ZNF577: variants seen among roughly 807,000 people sequenced by gnomAD.
The protein encoded by ZNF577 is zinc finger protein 577.
In ZNF577, 14 loss-of-function variants were observed where a neutral mutation model predicts 13.9. The ratio of observed to expected loss-of-function variants is 1.00; its 90% CI spans 0.66 to 1.57. The LOEUF is 1.57. Among genes scored for constraint, ZNF577 ranks in the 40% most tolerant of loss-of-function variants. The pLI is 0.00. For synonymous variants in ZNF577, 203 were observed against 202.9 expected, an observed-to-expected ratio of 1.00 and a Z score of 0.00; for missense variants, 555 against 579.2, an observed-to-expected ratio of 0.96 and a Z score of 0.43.
Position 51,877,282 on chromosome 19 carries a change from C to A in ZNF577, c.283G>T (p.Gly95Cys), listed in dbSNP as rs2084779926. 6.2e-7 allele frequency: 1 copy of A among 1,613,538 alleles called. No individual in the cohort carries two copies. The highest frequency in any genetic ancestry group is 1.3e-5 in the African/African-American group (1 of 74,856). Reference sequence around the variant, plus strand: ...ATTTTCTTAGTTTTCACTCACTTACCTGGACAGATTTGACTGTGGGCTGCT... The same window carrying A: ...ATTTTCTTAGTTTTCACTCACTTACATGGACAGATTTGACTGTGGGCTGCT... ...EGAAHSQICP[G>C]FVIQSRRYAG... The change falls in exon 5 of 6, where the codon GGT becomes TGT. Residue 95 changes from glycine (G) to cysteine (C), a missense_variant and splice_region_variant. Coordinates refer to ENST00000638348, the MANE Select transcript of ZNF577 (RefSeq NM_001370449.1).
intron 1 of ZNF577, among the ~76,000 whole-genome samples, chr19:51,883,951 G>A (rs1255074678): frequency 3.3e-5 from 5 of 152,144 alleles, no homozygotes; most frequent in Non-Finnish European, 2.9e-5. Flanking sequence ...GCAGATGCCT[G>A]TAAGCCCAGC....
intron 9 of ZNF577, chr19:51,823,998 T>C (rs751196865): frequency 1.2e-6 from 2 of 1,614,150 alleles, no homozygotes; most frequent in Admixed American, 3.3e-5. Flanking sequence ...CCGAATGGTC[T>C]CAGTCGCCAT....
chr19:51,824,698 T>G lies in ZNF577; in HGVS notation c.*600-13024A>C. The G allele has an allele frequency of 6.2e-7, 1 of 1,614,126 alleles. No individual in the cohort carries two copies. The highest frequency in any genetic ancestry group is 8.5e-7 in the Non-Finnish European group (1 of 1,180,004). Reference sequence around the variant, plus strand: ...TTCCAAGAAAGACTGATTCGCTCTTTGCCCACTAGTTTGGAGAGGGCCCTG... The same window carrying G: ...TTCCAAGAAAGACTGATTCGCTCTTGGCCCACTAGTTTGGAGAGGGCCCTG... On this transcript the variant is annotated intron_variant and NMD_transcript_variant, in intron 9 of 10. Coordinates refer to the ZNF577 transcript ENST00000638827. The surrounding 1 kb of genome is among the most constrained non-coding windows in gnomAD (Gnocchi z 4.7).
At chr19:51,840,710 A>G (rs1381556590) in intron 8 of ZNF577, 2 of 152,196 alleles carry the variant, frequency 1.3e-5, no homozygotes, top group African/African-American at 2.4e-5. Context: ...CTAGCATTAT[A>G]TGAAAAGAAT....
Position 51,873,101 on chromosome 19 carries a change from G to A in ZNF577, c.889C>T (p.Pro297Ser). 6.2e-7 allele frequency: 1 copy of A among 1,614,168 alleles called. No homozygotes were observed. Among genetic ancestry groups the A allele is most frequent in the Non-Finnish European group, 8.5e-7 (1 of 1,180,046 alleles). Residue 297 changes from proline (P) to serine (S), a missense_variant, in exon 6 of 6, where the codon CCT (proline) becomes TCT (serine). Pro to Ser is a moderately conservative substitution (Grantham distance 74). Transcript: ENST00000638348. ...AHQRLHTGDK[P>S]YKCSDCGRTF... is the part of the protein sequence containing the mutation. ...CTTCCACAATCACTGCATTTATAAGGCTTATCTCCTGTGTGAAGTCTCTGG... is the reference window on the plus strand; with the variant it reads ...CTTCCACAATCACTGCATTTATAAGACTTATCTCCTGTGTGAAGTCTCTGG...
chr19:51,804,577 G>T (rs1481178395), downstream of ZNF577, among the ~76,000 whole-genome samples: 3 of 152,078 alleles, frequency 2.0e-5, no homozygotes, highest in African/African-American at 7.2e-5. Context: ...GCACTGATTT[G>T]GTTTTGTGCC....
chr19:51,874,784 T>C (rs895481020), intron 5 of ZNF577, among the ~76,000 whole-genome samples: 2 of 152,152 alleles, frequency 1.3e-5, no homozygotes, highest in African/African-American at 2.4e-5. Flanking sequence ...AGAATTCAGA[T>C]GGCTTGATCA....
chr19:51,845,243 C>T (rs1599850544), intron 5 of ZNF577, among the ~76,000 whole-genome samples: 3 of 152,124 alleles, frequency 2.0e-5, no homozygotes, highest in East Asian at 3.9e-4. Flanking sequence ...ACCTGTAATC[C>T]CAGCACTTTG....
intron 9 of ZNF577, among the ~76,000 whole-genome samples, chr19:51,813,528 T>C (rs1226199097): frequency 1.3e-5 from 2 of 152,002 alleles, no homozygotes; most frequent in Non-Finnish European, 2.9e-5. Flanking sequence ...TAAAGGAGGA[T>C]GGGATGTTTT....
Position 51,873,509 on chromosome 19 carries a change from T to C in ZNF577, c.481A>G (p.Ser161Gly), listed in dbSNP as rs368740753. ...ICAGGKPHECSVCGRAFSRKA... is the reference protein window; with the variant it reads ...ICAGGKPHECGVCGRAFSRKA... ...CTGGAGAAGGCTCTCCCGCACACACTGCATTCATGTGGTTTCCCTCCTGCA... is the reference window on the plus strand; with the variant it reads ...CTGGAGAAGGCTCTCCCGCACACACCGCATTCATGTGGTTTCCCTCCTGCA... The change falls in exon 6 of 6, where the codon AGT (serine) becomes GGT (glycine). Residue 161 changes from serine (S) to glycine (G), a missense_variant. Physicochemically the swap from Ser to Gly is moderately conservative, Grantham distance 56. Coordinates refer to ENST00000638348, the MANE Select transcript of ZNF577 (RefSeq NM_001370449.1). 3 of 1,614,128 alleles carry C rather than the reference T, an allele frequency of 1.9e-6. No individual in the cohort carries two copies. Among genetic ancestry groups the C allele is most frequent in the Admixed American group, 1.7e-5 (1 of 60,014 alleles).
In ZNF577 at chr19:51,867,228, C is replaced by T. The variant is rs576200845; in HGVS notation, c.*5304G>A. 6.6e-6 allele frequency among the ~76,000 whole-genome samples: 1 copy of T among 152,032 alleles called. No homozygotes were observed. The highest frequency in any genetic ancestry group is 2.1e-4 in the South Asian group (1 of 4,830). Reference sequence around the variant, plus strand: ...CATTTAATAGTTATTTGTCTTAAGCCTTGCAAAGTCATTGGAAAGAAAGGC... The same window carrying T: ...CATTTAATAGTTATTTGTCTTAAGCTTTGCAAAGTCATTGGAAAGAAAGGC... On this transcript the variant is annotated 3_prime_UTR_variant, in exon 6 of 6. Coordinates refer to ENST00000638348, the MANE Select transcript of ZNF577 (RefSeq NM_001370449.1).
At chr19:51,849,265 A>G (rs1025539553) in intron 5 of ZNF577, among the ~76,000 whole-genome samples, 1 of 152,090 alleles carries the variant, frequency 6.6e-6, no homozygotes, top group South Asian at 2.1e-4. Flanking sequence ...TCCTTTTTCT[A>G]TGTTCTTTGT....
intron 6 of ZNF577, among the ~76,000 whole-genome samples, chr19:51,844,491 G>A (rs1254255317): frequency 1.3e-5 from 2 of 152,088 alleles, no homozygotes; most frequent in South Asian, 2.1e-4. Context: ...TCTTGTGATG[G>A]TTGTCAGTAC....
rs747484257 is a variant in ZNF577, at chr19:51,868,823, TA to T, written c.*3708del. Among the ~76,000 whole-genome samples, 4 of 152,240 alleles carry T rather than the reference TA, an allele frequency of 2.6e-5. No homozygotes were observed. The highest frequency in any genetic ancestry group is 4.4e-5 in the Non-Finnish European group (3 of 68,042). ...AAATTATTCTGCCTTGAGATGCTGT[TA>T]ATCTGTAACCCTAGCCTCAACCCTG... On this transcript the variant is annotated 3_prime_UTR_variant, in exon 6 of 6. Transcript: ENST00000638348.
At chr19:51,883,875 C>A (rs2084902450) in intron 1 of ZNF577, among the ~76,000 whole-genome samples, 1 of 152,088 alleles carries the variant, frequency 6.6e-6, no homozygotes, top group Non-Finnish European at 1.5e-5. Flanking sequence ...GAGTTCAAGA[C>A]CAGCCTGGCC....
At chr19:51,877,181 G>A in intron 5 of ZNF577, 101 bp downstream of exon 5, 1 of 978,142 alleles carries the variant, frequency 1.0e-6, no homozygotes, top group Non-Finnish European at 1.6e-6. Flanking sequence ...ACCAACTACT[G>A]TGAAGTCCTC....
At chr19:51,837,996 A>G (rs721889) in intron 9 of ZNF577, among the ~76,000 whole-genome samples, 58,879 of 151,896 alleles carry the variant, frequency 0.39, 11,622 homozygotes, top group South Asian at 0.49. Context: ...TCAGATAAAA[A>G]CCCAGCCCAG....
intron 5 of ZNF577, among the ~76,000 whole-genome samples, chr19:51,876,912 G>A (rs1002398300): frequency 6.7e-6 from 1 of 149,126 alleles, no homozygotes; most frequent in Non-Finnish European, 1.5e-5. Flanking sequence ...CAGCCACAGT[G>A]CGAGACTCCG....
chr19:51,824,331 A>T lies in ZNF577; in HGVS notation c.*600-12657T>A, dbSNP rs763510705. On this transcript the variant is annotated intron_variant and NMD_transcript_variant, in intron 9 of 10. Coordinates refer to the ZNF577 transcript ENST00000638827. This position sits in a 1 kb window ranked among gnomAD's most constrained non-coding sequence, Gnocchi z 4.7. ...TGCTGTAGAGAGGTTGAACGTGTTCATTACCATGGCCAAGGTCTTTCTGAT... is the reference window on the plus strand; with the variant it reads ...TGCTGTAGAGAGGTTGAACGTGTTCTTTACCATGGCCAAGGTCTTTCTGAT... The T allele has an allele frequency of 1.3e-5, 21 of 1,614,050 alleles. No individual in the cohort carries two copies. The highest frequency in any genetic ancestry group is 3.3e-4 in the Middle Eastern group (2 of 6,082).
Sources: gnomAD v4.1 joint callset for allele counts (sites outside exome capture counted in the v4.1 genomes callset) on GRCh38, gnomAD v4.1.1 for gene constraint, Gnocchi (gnomAD v3.1) non-coding constraint, MANE v1.5 for transcripts, NCBI Gene and HGNC (gene_info 2026-07-23, HGNC 2026-07-21) for gene names.